The following GLIS3 variants were observed in gnomAD, a reference collection of about 807,000 sequenced individuals.
GLIS3 encodes GLIS family zinc finger 3.
Under a neutral mutation model 78.6 loss-of-function variants are expected in GLIS3, and 53 were observed. That is an observed-to-expected ratio of 0.67 (90% CI 0.54 to 0.85). The LOEUF (loss-of-function observed/expected upper bound fraction) is 0.85. Ranked by LOEUF, GLIS3 falls within the 40% of genes least tolerant of loss-of-function variation. The probability of loss-of-function intolerance (pLI) is 0.00; values close to 1 mark genes in which losing one functional copy is unlikely to be tolerated. For missense variants in GLIS3, 1,703 were observed against 1,231.1 expected, an observed-to-expected ratio of 1.38 and a Z score of -5.74; for synonymous variants, 684 against 509.9, an observed-to-expected ratio of 1.34 and a Z score of -4.60.
chr9:4,389,160 T>C, the GLIS3 span, among the ~76,000 whole-genome samples: 3 of 152,324 alleles, frequency 2.0e-5, no homozygotes, highest in South Asian at 6.2e-4. Flanking sequence ...AGGAAAACCC[T>C]GTGACATAGG....
intron 2 of GLIS3, among the ~76,000 whole-genome samples, chr9:4,266,594 G>C (rs1382537944): frequency 1.6e-5 from 1 of 63,030 alleles, no homozygotes; most frequent in Non-Finnish European, 2.9e-5. Flanking sequence ...GCATGCGCGT[G>C]TACACACACA....
At chr9:4,466,982 A>G in the GLIS3 span, among the ~76,000 whole-genome samples, 1 of 152,234 alleles carries the variant, frequency 6.6e-6, no homozygotes, top group East Asian at 1.9e-4. Flanking sequence ...CCAGAAGATT[A>G]TATCCCGCAC....
the GLIS3 span, among the ~76,000 whole-genome samples, chr9:4,385,737 AAAAGAAAGAAAGAAAGAAAG>A: frequency 3.1e-3 from 171 of 54,520 alleles, 12 homozygotes; most frequent in African/African-American, 0.01. Flanking sequence ...GAAAGAAAGA[AAAAGAAAGAAAGAAAGAAAG>A]AAAGAAAGAA....
chr9:4,372,160 A>G, the GLIS3 span, among the ~76,000 whole-genome samples: 1 of 152,238 alleles, frequency 6.6e-6, no homozygotes, highest in Non-Finnish European at 1.5e-5. Context: ...TAGTCTAGAA[A>G]GAATTCCAGA....
At chr9:3,997,115 A>C (rs2129865636) in intron 4 of GLIS3, among the ~76,000 whole-genome samples, 1 of 152,346 alleles carries the variant, frequency 6.6e-6, no homozygotes, top group African/African-American at 2.4e-5. Flanking sequence ...TGGGAGGCCA[A>C]GGCAGGCAGA....
chr9:4,258,360 A>T (rs996489419), intron 2 of GLIS3, among the ~76,000 whole-genome samples: 1 of 152,170 alleles, frequency 6.6e-6, no homozygotes, highest in Non-Finnish European at 1.5e-5. Flanking sequence ...AATTTTGATA[A>T]ATGTAATATA....
At chr9:4,388,173 G>A in the GLIS3 span, among the ~76,000 whole-genome samples, 18 of 152,176 alleles carry the variant, frequency 1.2e-4, no homozygotes, top group Non-Finnish European at 2.6e-4. Flanking sequence ...ACAAATAAAA[G>A]TATACCCATA....
intron 2 of GLIS3, among the ~76,000 whole-genome samples, chr9:4,186,921 A>G (rs1817853158): frequency 6.6e-6 from 1 of 152,088 alleles, no homozygotes. Flanking sequence ...GTAGGTTGGG[A>G]AAATTTTCTC....
At chr9:4,225,652 G>A (rs1821706432) in intron 2 of GLIS3, among the ~76,000 whole-genome samples, 1 of 152,138 alleles carries the variant, frequency 6.6e-6, no homozygotes, top group South Asian at 2.1e-4. Context: ...TTAATGATGA[G>A]CTCACGGTAC....
At chr9:4,488,524 CT>C in the GLIS3 span, among the ~76,000 whole-genome samples, 8 of 149,428 alleles carry the variant, frequency 5.4e-5, no homozygotes, top group South Asian at 2.1e-4. Context: ...CGCTCTCTCT[CT>C]TTTTTTTTTA....
intron 2 of GLIS3, among the ~76,000 whole-genome samples, chr9:4,274,585 G>C (rs149505107): frequency 3.9e-3 from 600 of 152,294 alleles, no homozygotes; most frequent in Middle Eastern, 6.8e-3. Flanking sequence ...CATCCTGGCA[G>C]GGGATGGGAC....
upstream of GLIS3, among the ~76,000 whole-genome samples, chr9:4,303,262 A>AATACAGAC (rs752138646): frequency 2.8e-3 from 60 of 21,478 alleles, no homozygotes; most frequent in South Asian, 0.06. Context: ...TAGCTATTAA[A>AATACAGAC]ACACAGACAC....
At chr9:4,148,772 A>G (rs1276593433) in intron 2 of GLIS3, among the ~76,000 whole-genome samples, 1 of 152,110 alleles carries the variant, frequency 6.6e-6, no homozygotes, top group African/African-American at 2.4e-5. Context: ...AATTTAAAAT[A>G]AGGGGAAAAA....
At chr9:4,174,740 T>C (rs1816672686) in intron 2 of GLIS3, among the ~76,000 whole-genome samples, 1 of 152,236 alleles carries the variant, frequency 6.6e-6, no homozygotes, top group Non-Finnish European at 1.5e-5. Context: ...ATCTTGGAGA[T>C]GTGTGCCAAT....
intron 4 of GLIS3, among the ~76,000 whole-genome samples, chr9:4,007,395 G>T (rs998472835): frequency 6.6e-6 from 1 of 152,016 alleles, no homozygotes; most frequent in African/African-American, 2.4e-5. Context: ...CCTCTTCCTG[G>T]TTCAAGGTCC....
intron 4 of GLIS3, among the ~76,000 whole-genome samples, chr9:4,308,218 T>C (rs1467762770): frequency 6.6e-6 from 1 of 151,880 alleles, no homozygotes; most frequent in Admixed American, 6.6e-5. Flanking sequence ...GGACAGGCAC[T>C]GTGAAGTGAA....
intron 8 of GLIS3, among the ~76,000 whole-genome samples, chr9:3,876,135 C>G (rs1328323279): frequency 6.6e-6 from 1 of 152,052 alleles, no homozygotes; most frequent in East Asian, 1.9e-4. Flanking sequence ...TGTGGTATTC[C>G]CACCAAAAAT....
chr9:4,428,024 A>G, the GLIS3 span, among the ~76,000 whole-genome samples: 5 of 152,096 alleles, frequency 3.3e-5, no homozygotes, highest in Non-Finnish European at 7.4e-5. Context: ...AACCAAGTTC[A>G]ATCAGAAAAA....
At chr9:3,996,990 C>T (rs1820792791) in intron 4 of GLIS3, among the ~76,000 whole-genome samples, 1 of 152,064 alleles carries the variant, frequency 6.6e-6, no homozygotes, top group Non-Finnish European at 1.5e-5. Flanking sequence ...TTAAATAATA[C>T]CATAATCACT....
Sources: allele counts gnomAD v4.1 joint callset (sites outside exome capture counted in the v4.1 genomes callset), GRCh38; gene constraint gnomAD v4.1.1; transcripts MANE v1.5; gene names NCBI Gene and HGNC (gene_info 2026-07-23, HGNC 2026-07-21).